Variants in CDC42EP5 observed in about 807,000 individuals in gnomAD.
CDC42EP5 encodes the protein CDC42 effector protein 5, also known as CDC42 effector protein (Rho GTPase binding) 5.
For missense variants in CDC42EP5, 269 were observed against 238.0 expected (o/e 1.13, Z -0.86); for synonymous variants, 118 against 123.3 (o/e 0.96, Z 0.28).
In CDC42EP5 at chr19:54,468,922, T is replaced by TCCTTCCTTCCTTC. The variant is rs1491162621; in HGVS notation, c.-1+2622_-1+2623insGAAGGAAGGAAGG. ...TTCCTTCCTTCCTTCCTTCCTTCCT[T>TCCTTCCTTCCTTC]CTTTCTTTCTTTTCTTCCCTCCCTC... On this transcript the variant is annotated intron_variant, in intron 2 of 2. Transcript: ENST00000301200. Among the ~76,000 whole-genome samples, 14 of 148,614 alleles carry TCCTTCCTTCCTTC rather than the reference T, an allele frequency of 9.4e-5. 1 individual carries two copies. Among genetic ancestry groups the TCCTTCCTTCCTTC allele is most frequent in the African/African-American group, 3.2e-4 (13 of 40,296 alleles).
chr19:54,469,000 TTTC>T (rs565738409), intron 2 of CDC42EP5, among the ~76,000 whole-genome samples: 95 of 150,994 alleles, frequency 6.3e-4, no homozygotes, highest in African/African-American at 1.9e-3. Flanking sequence ...TCCTTCTTTC[TTTC>T]TTTTCTTTTT....
intron 2 of CDC42EP5, among the ~76,000 whole-genome samples, chr19:54,465,915 G>T (rs1242392283): frequency 6.6e-6 from 1 of 151,766 alleles, no homozygotes; most frequent in Admixed American, 6.5e-5. Flanking sequence ...GATAACAGGC[G>T]TGAGCCACCG....
chr19:54,465,597 C>G, intron 2 of CDC42EP5, 50 bp from the exon 3 acceptor site: 1 of 1,399,192 alleles, frequency 7.1e-7, no homozygotes, highest in Non-Finnish European at 9.2e-7. Flanking sequence ...GGGCTCGCAG[C>G]CACGCGACTG....
intron 2 of CDC42EP5, among the ~76,000 whole-genome samples, chr19:54,467,730 CCAGGCTGG>C (rs2084775220): frequency 6.6e-6 from 1 of 152,114 alleles, no homozygotes; most frequent in Non-Finnish European, 1.5e-5. Flanking sequence ...ACTATGTTGG[CCAGGCTGG>C]ACTCAAACTC....
intron 2 of CDC42EP5, among the ~76,000 whole-genome samples, chr19:54,466,209 G>C (rs1219166657): frequency 1.3e-5 from 2 of 151,946 alleles, no homozygotes; most frequent in Non-Finnish European, 2.9e-5. Context: ...TTGGGAGGCC[G>C]AGGCGGGCGG....
chr19:54,470,920 C>T (rs932583607), intron 2 of CDC42EP5, among the ~76,000 whole-genome samples: 2 of 152,156 alleles, frequency 1.3e-5, no homozygotes, highest in Non-Finnish European at 2.9e-5. Context: ...TTTTTCCTCT[C>T]CAGTCCAGAC....
At chr19:54,470,641 C>T (rs778032156) in intron 2 of CDC42EP5, among the ~76,000 whole-genome samples, 27 of 152,174 alleles carry the variant, frequency 1.8e-4, no homozygotes, top group Non-Finnish European at 2.8e-4. Context: ...GGGCCAGGCA[C>T]CAGCCTGAGT....
At chr19:54,469,850 GC>G (rs1221102328) in intron 2 of CDC42EP5, among the ~76,000 whole-genome samples, 2 of 152,138 alleles carry the variant, frequency 1.3e-5, no homozygotes, top group African/African-American at 4.8e-5. Flanking sequence ...ACAGCTCTCA[GC>G]CCCTGCCTCT....
At chr19:54,466,759 A>T (rs1416243870) in intron 2 of CDC42EP5, among the ~76,000 whole-genome samples, 1 of 152,182 alleles carries the variant, frequency 6.6e-6, no homozygotes, top group Non-Finnish European at 1.5e-5. Context: ...TTTACATTGT[A>T]TTATGCATTA....
At chr19:54,467,748 C>T (rs2084775435) in intron 2 of CDC42EP5, among the ~76,000 whole-genome samples, 1 of 152,134 alleles carries the variant, frequency 6.6e-6, no homozygotes, top group Non-Finnish European at 1.5e-5. Flanking sequence ...GACTCAAACT[C>T]ATGACTTCAG....
intron 2 of CDC42EP5, among the ~76,000 whole-genome samples, chr19:54,467,816 C>A (rs1353183191): frequency 2.0e-5 from 3 of 152,220 alleles, no homozygotes; most frequent in Non-Finnish European, 4.4e-5. Context: ...AGCCACCACG[C>A]CCGGCCTAAA....
Position 54,471,622 on chromosome 19 carries a change from G to A in CDC42EP5, c.-78C>T, listed in dbSNP as rs926996734. On this transcript the variant is annotated 5_prime_UTR_variant, in exon 2 of 3. Transcript: ENST00000301200. ...CCCGGACCCCTGGTTCCCTGGCTCC[G>A]AGTCCGCCTCCGTCTCCTAATCCCC... The A allele has an allele frequency of 1.3e-5, 2 of 152,084 alleles. No individual in the cohort carries two copies. The highest frequency in any genetic ancestry group is 2.9e-5 in the Non-Finnish European group (2 of 68,072). The allele number at this position is 152,084 out of a possible 1,614,324, so 9.4% of individuals were successfully genotyped here.
rs774378859 is a variant in CDC42EP5, at chr19:54,468,888, ATTCCTTCCTTCC to A, written c.-1+2645_-1+2656del. On this transcript the variant is annotated intron_variant, in intron 2 of 2. Coordinates refer to ENST00000301200, the MANE Select transcript of CDC42EP5 (RefSeq NM_145057.4). ...GTCTTACAACGTGGTAGATACTCTG[ATTCCTTCCTTCC>A]TTCCTTCCTTCCTTCCTTCCTTCTT... 1.3e-3 allele frequency among the ~76,000 whole-genome samples: 148 copies of A among 116,388 alleles called. 1 individual carries two copies. Among genetic ancestry groups the A allele is most frequent in the Non-Finnish European group, 2.2e-3 (121 of 55,676 alleles). The allele number at this position is 116,388 out of a possible 152,430, so 76.4% of individuals were successfully genotyped here.
In CDC42EP5 at chr19:54,465,235, C is replaced by G. The variant is rs1386139780; in HGVS notation, c.313G>C (p.Gly105Arg). 5.6e-6 allele frequency: 8 copies of G among 1,434,106 alleles called. No individual in the cohort carries two copies. Among genetic ancestry groups the G allele is most frequent in the Admixed American group, 2.8e-5 (1 of 36,198 alleles). The allele number at this position is 1,434,106 out of a possible 1,614,324, so 88.8% of individuals were successfully genotyped here. Residue 105 changes from glycine to arginine, a missense_variant, in exon 3 of 3, where the codon GGC (glycine) becomes CGC (arginine). By Grantham distance (125) the Gly-to-Arg change is moderately radical. Coordinates refer to ENST00000301200, the MANE Select transcript of CDC42EP5 (RefSeq NM_145057.4). ...TCCGGGCGCGCCGCGTCCATGACGC[C>G]CAGCACCGCGTCCAGCATGGAGGGC... ...LGPSMLDAVL[G>R]VMDAARPEAA...
intron 2 of CDC42EP5, among the ~76,000 whole-genome samples, chr19:54,470,713 G>A (rs576367313): frequency 6.6e-6 from 1 of 152,208 alleles, no homozygotes; most frequent in Non-Finnish European, 1.5e-5. Context: ...ACAGATGCGC[G>A]ATGGCTGAGA....
chr19:54,468,931 C>CCTTCCTTCCTTCCTTCCTTCT (rs1460687370), intron 2 of CDC42EP5, among the ~76,000 whole-genome samples: 2 of 145,856 alleles, frequency 1.4e-5, no homozygotes, highest in African/African-American at 5.1e-5. Context: ...TTCTTTCTTT[C>CCTTCCTTCCTTCCTTCCTTCT]TTTTCTTCCC....
Position 54,465,258 on chromosome 19 carries a change from G to A in CDC42EP5, c.290C>T (p.Pro97Leu), listed in dbSNP as rs535627709. 1.3e-5 allele frequency: 18 copies of A among 1,405,742 alleles called. 1 individual carries two copies. The Admixed American group carries it at 3.9e-4, about 30-fold the overall frequency. The allele number at this position is 1,405,742 out of a possible 1,614,324, so 87.1% of individuals were successfully genotyped here. The stretch of plus-strand genomic sequence containing the variant: ...GCCCAGCACCGCGTCCAGCATGGAG[G>A]GCCCCAGATCCAGGTGGAAGGACAG... The part of the protein sequence containing the change: ...PLLSFHLDLG[P>L]SMLDAVLGVM... Residue 97 changes from proline to leucine, a missense_variant, in exon 3 of 3, where the codon CCC (proline) becomes CTC (leucine). Pro to Leu is a moderately conservative substitution (Grantham distance 98, BLOSUM62 -3). Transcript: ENST00000301200.
In CDC42EP5 at chr19:54,466,933, C is replaced by CTTTT. The variant is rs57592448; in HGVS notation, c.1-1390_1-1387dup. On this transcript the variant is annotated intron_variant, in intron 2 of 2. Coordinates refer to ENST00000301200, the MANE Select transcript of CDC42EP5 (RefSeq NM_145057.4). ...CTACCAAGGGGCAACTGTACCTGATCTTTTTTTTTTTTTTTTGAGACGCTA... is the reference window on the plus strand; with the variant it reads ...CTACCAAGGGGCAACTGTACCTGATCTTTTTTTTTTTTTTTTTTTTGAGACGCTA... Among the ~76,000 whole-genome samples the CTTTT allele has an allele frequency of 2.0e-3, 259 of 131,130 alleles. 5 individuals are homozygous for CTTTT. The highest frequency in any genetic ancestry group is 6.9e-3 in the East Asian group (29 of 4,182). The allele number at this position is 131,130 out of a possible 152,430, so 86.0% of individuals were successfully genotyped here.
chr19:54,465,526 C>T lies in CDC42EP5; in HGVS notation c.22G>A (p.Gly8Ser). The T allele has an allele frequency of 1.3e-6, 2 of 1,536,158 alleles. No homozygotes were observed. Among genetic ancestry groups the T allele is most frequent in the Non-Finnish European group, 1.7e-6 (2 of 1,153,490 alleles). MPVLKQL[G>S]PAQPKKRPDR... The stretch of plus-strand genomic sequence containing the variant: ...GGCCGCTTCTTGGGCTGCGCGGGGC[C>T]CAGCTGCTTCAGCACGGGCATCTGC... Residue 8 changes from glycine to serine, a missense_variant, in exon 3 of 3, where the codon GGC becomes AGC. By Grantham distance (56) the Gly-to-Ser change is moderately conservative. Transcript: ENST00000301200.
Sources: gnomAD v4.1 joint callset for allele counts (sites outside exome capture counted in the v4.1 genomes callset) on GRCh38, gnomAD v4.1.1 for gene constraint, MANE v1.5 for transcripts, NCBI Gene and HGNC (gene_info 2026-07-23, HGNC 2026-07-21) for gene names.